ESR1: variants seen among roughly 807,000 people sequenced by gnomAD.
The protein encoded by ESR1 is estrogen receptor 1, also known as estrogen receptor.
A neutral mutation model predicts 52.7 loss-of-function variants in ESR1; 12 were observed. The observed-to-expected ratio is 0.23, with a 90% CI of 0.15 to 0.37. ESR1 has a LOEUF of 0.37. Among genes scored for constraint, ESR1 ranks in the 10% least tolerant of loss-of-function variants. ESR1 has a pLI of 1.00. For missense variants in ESR1, 584 were observed against 779.7 expected, an observed-to-expected ratio of 0.75 and a Z score of 2.99; for synonymous variants, 305 against 316.8, an observed-to-expected ratio of 0.96 and a Z score of 0.39.
intron 2 of ESR1, among the ~76,000 whole-genome samples, chr6:151,847,440 T>A (rs1420470352): frequency 6.6e-6 from 1 of 151,382 alleles, no homozygotes. Context: ...TTCTAACTGG[T>A]GTGAGATGAT....
intron 2 of ESR1, among the ~76,000 whole-genome samples, chr6:151,858,749 T>C (rs773343925): frequency 1.3e-5 from 2 of 152,152 alleles, no homozygotes; most frequent in African/African-American, 2.4e-5. Context: ...CTTAGAACTA[T>C]ACCTGGATTA....
chr6:152,107,729 T>G, downstream of ESR1, among the ~76,000 whole-genome samples: 1 of 152,236 alleles, frequency 6.6e-6, no homozygotes, highest in East Asian at 1.9e-4. Flanking sequence ...TGGATTCTTA[T>G]TCTTCCCTGC....
chr6:151,810,266 G>A (rs1778593605), intron 1 of ESR1, among the ~76,000 whole-genome samples: 1 of 151,866 alleles, frequency 6.6e-6, no homozygotes, highest in Admixed American at 6.6e-5. Context: ...TAAAAAAAGA[G>A]ACAAGGAACT....
rs2050443373 is a variant in ESR1, at chr6:152,094,326, G to A, written c.1370-59G>A. ...TTGTTACATCCCATGAACACTCTGG[G>A]TCTCCTAGACCTCATCCTCTTTGAG... is the stretch of plus-strand genomic sequence containing the variant. On this transcript the variant is annotated intron_variant, in intron 6 of 7. Transcript: ENST00000206249. The surrounding 1 kb of genome is among the most constrained non-coding windows in gnomAD (Gnocchi z 4.6). 4 of 1,464,324 alleles carry A rather than the reference G, an allele frequency of 2.7e-6. No individual in the cohort carries two copies. The highest frequency in any genetic ancestry group is 3.8e-6 in the Non-Finnish European group (4 of 1,044,118). 90.7% of individuals were successfully genotyped at this position (1,464,324 alleles called of 1,614,324 possible).
chr6:151,981,725 A>C (rs563035178), intron 4 of ESR1, among the ~76,000 whole-genome samples: 2 of 152,356 alleles, frequency 1.3e-5, no homozygotes, highest in East Asian at 3.9e-4. Context: ...AATTTGAGCA[A>C]ATCTGAACTA....
At chr6:151,974,514 C>G (rs898975857) in intron 4 of ESR1, among the ~76,000 whole-genome samples, 1 of 152,098 alleles carries the variant, frequency 6.6e-6, no homozygotes, top group South Asian at 2.1e-4. Flanking sequence ...CTAGGACTTA[C>G]AATCAGAAAT....
At chr6:151,732,068 TTC>T (rs1310914870) in intron 2 of ESR1, among the ~76,000 whole-genome samples, 2 of 152,208 alleles carry the variant, frequency 1.3e-5, no homozygotes, top group Non-Finnish European at 2.9e-5. Flanking sequence ...CTGAAAATCT[TTC>T]TGTCATTTTT....
chr6:151,670,324 A>G (rs1030546961), intron 1 of ESR1, among the ~76,000 whole-genome samples: 5 of 152,062 alleles, frequency 3.3e-5, no homozygotes, highest in African/African-American at 7.2e-5. Flanking sequence ...CATTCCTTAC[A>G]TTACCCGTTT....
chr6:151,675,405 C>T (rs1445033767), intron 1 of ESR1, among the ~76,000 whole-genome samples: 1 of 151,984 alleles, frequency 6.6e-6, no homozygotes, highest in African/African-American at 2.4e-5. Context: ...GGAATTTGTT[C>T]TAATAAGTTT....
Position 152,043,957 on chromosome 6 carries a change from GATA to G in ESR1, c.1236-17032_1236-17030del, listed in dbSNP as rs552038442. ...CAATTTCAGCTCTTTCTCTACAGGA[GATA>G]AGACTCGAACCCAGGGCAATCTTAG... is the stretch of plus-strand genomic sequence containing the variant. On this transcript the variant is annotated intron_variant, in intron 5 of 7. Transcript: ENST00000206249. Among the ~76,000 whole-genome samples, 1,161 of 152,274 alleles carry G rather than the reference GATA, an allele frequency of 7.6e-3. 7 individuals are homozygous for G. Among genetic ancestry groups the G allele is most frequent in the South Asian group, 0.013 (63 of 4,812 alleles).
chr6:151,759,252 C>T (rs1974256), intron 2 of ESR1, among the ~76,000 whole-genome samples: 7 of 132,928 alleles, frequency 5.3e-5, no homozygotes, highest in African/African-American at 1.8e-4. Flanking sequence ...TCCAGCATGG[C>T]GACTGGACTC....
chr6:151,970,391 A>G (rs1035253776), intron 4 of ESR1, among the ~76,000 whole-genome samples: 5 of 152,026 alleles, frequency 3.3e-5, no homozygotes, highest in African/African-American at 1.2e-4. Context: ...AGCATATACA[A>G]ATTTTATGGA....
rs148077760 is a variant in ESR1, at chr6:151,751,132, T to C, written c.-71+49127T>C. ...CTTCAATTTTTGGCTGAGCCTGACT[T>C]TGCCATATGATCCTAGACAAATTTG... is the stretch of plus-strand genomic sequence containing the variant. On this transcript the variant is annotated intron_variant, in intron 2 of 2. Coordinates refer to the ESR1 transcript ENST00000404742. Among the ~76,000 whole-genome samples, 285 of 152,294 alleles carry C rather than the reference T, an allele frequency of 1.9e-3. 2 individuals are homozygous for C. Among genetic ancestry groups the C allele is most frequent in the African/African-American group, 6.6e-3 (275 of 41,556 alleles).
At chr6:151,975,302 G>A (rs2039333618) in intron 4 of ESR1, among the ~76,000 whole-genome samples, 2 of 151,974 alleles carry the variant, frequency 1.3e-5, no homozygotes, top group African/African-American at 4.8e-5. Context: ...TTTCACTCAG[G>A]CAATCCCTTT....
At chr6:151,728,487 A>T (rs1288698845) in intron 2 of ESR1, among the ~76,000 whole-genome samples, 1 of 152,268 alleles carries the variant, frequency 6.6e-6, no homozygotes, top group Non-Finnish European at 1.5e-5. Context: ...ATAATTTTCA[A>T]ACTCATTTAT....
At chr6:151,701,212 T>A (rs1283253158) in intron 1 of ESR1, among the ~76,000 whole-genome samples, 1 of 43,976 alleles carries the variant, frequency 2.3e-5, no homozygotes, top group Non-Finnish European at 4.8e-5. Context: ...GGGCTGGGAG[T>A]TTTTTTTTTT....
chr6:152,125,133 A>T, intron 6 of ESR1: 1 of 965,512 alleles, frequency 1.0e-6, no homozygotes, highest in Non-Finnish European at 1.4e-6. Flanking sequence ...CAGATTCTAC[A>T]GTTAAAGGAA....
chr6:151,928,196 A>G (rs2128478069), intron 3 of ESR1, among the ~76,000 whole-genome samples: 1 of 152,252 alleles, frequency 6.6e-6, no homozygotes, highest in East Asian at 1.9e-4. Flanking sequence ...CAGTACATCC[A>G]CTGTAATTTG....
intron 1 of ESR1, among the ~76,000 whole-genome samples, chr6:151,681,745 C>T (rs954717739): frequency 1.3e-5 from 2 of 152,106 alleles, no homozygotes; most frequent in African/African-American, 4.8e-5. Context: ...GATCCGGTCG[C>T]TTTGTGGGTT....
Sources: allele counts gnomAD v4.1 joint callset (sites outside exome capture counted in the v4.1 genomes callset), GRCh38; gene constraint gnomAD v4.1.1; non-coding constraint Gnocchi (gnomAD v3.1); transcripts MANE v1.5; gene names NCBI Gene and HGNC (gene_info 2026-07-23, HGNC 2026-07-21).